The following NRG1 variants were observed in gnomAD, a reference collection of about 807,000 sequenced individuals.
NRG1 encodes the protein pro-neuregulin-1, membrane-bound isoform.
In NRG1, 18 loss-of-function variants were observed where a neutral mutation model predicts 63.8. The observed-to-expected ratio is 0.28, with a 90% CI of 0.19 to 0.42. NRG1 has a LOEUF of 0.42. Ranked by LOEUF, NRG1 falls within the 10% of genes least tolerant of loss-of-function variation. NRG1 has a pLI of 1.00. For missense variants in NRG1, 762 were observed against 814.7 expected, an observed-to-expected ratio of 0.94 and a Z score of 0.79; for synonymous variants, 302 against 301.3, an observed-to-expected ratio of 1.00 and a Z score of -0.02.
intron 1 of NRG1, among the ~76,000 whole-genome samples, chr8:31,680,117 C>T (rs987265361): frequency 3.3e-5 from 5 of 151,944 alleles, no homozygotes; most frequent in African/African-American, 1.2e-4. Flanking sequence ...ATATGATTCT[C>T]CTAAAATTGT....
At chr8:32,395,767 TG>T (rs1039104929) in intron 1 of NRG1, among the ~76,000 whole-genome samples, 2 of 152,178 alleles carry the variant, frequency 1.3e-5, no homozygotes, top group Admixed American at 6.5e-5. Flanking sequence ...GTTTTTTCTT[TG>T]GATTGTGCTT....
intron 1 of NRG1, among the ~76,000 whole-genome samples, chr8:31,650,766 A>G (rs928592010): frequency 7.3e-6 from 1 of 136,752 alleles, no homozygotes; most frequent in African/African-American, 2.9e-5. Context: ...GGCAGCCAAC[A>G]CTATTCTTGT....
At chr8:32,109,776 A>G (rs972335296) in intron 1 of NRG1, among the ~76,000 whole-genome samples, 1 of 152,158 alleles carries the variant, frequency 6.6e-6, no homozygotes, top group African/African-American at 2.4e-5. Flanking sequence ...ATTCATGGAT[A>G]TTAATAATAT....
intron 1 of NRG1, among the ~76,000 whole-genome samples, chr8:32,258,595 C>A (rs530481470): frequency 6.6e-6 from 1 of 152,152 alleles, no homozygotes; most frequent in Non-Finnish European, 1.5e-5. Flanking sequence ...AGGAAGCAGG[C>A]ATATCTTACA....
At chr8:32,396,298 G>T (rs73675131) in intron 1 of NRG1, among the ~76,000 whole-genome samples, 3 of 152,098 alleles carry the variant, frequency 2.0e-5, no homozygotes, top group Admixed American at 2.0e-4. Flanking sequence ...GGATTCTCAC[G>T]AATGTGAAGA....
chr8:31,820,271 T>C (rs892250678), intron 1 of NRG1, among the ~76,000 whole-genome samples: 1 of 152,188 alleles, frequency 6.6e-6, no homozygotes, highest in South Asian at 2.1e-4. Flanking sequence ...CCTGGAATTA[T>C]GAAACTTGGA....
chr8:32,304,206 A>G (rs995204627), intron 1 of NRG1, among the ~76,000 whole-genome samples: 14 of 152,260 alleles, frequency 9.2e-5, no homozygotes, highest in Non-Finnish European at 1.9e-4. Flanking sequence ...TTTTAAAATC[A>G]TCTAGAAATC....
intron 1 of NRG1, among the ~76,000 whole-genome samples, chr8:31,805,528 T>G (rs981949252): frequency 5.3e-5 from 8 of 152,140 alleles, no homozygotes; most frequent in African/African-American, 1.9e-4. Flanking sequence ...TTTGTTTTCT[T>G]TAAAATGAAG....
chr8:32,477,052 T>G (rs1824611855), intron 1 of NRG1, among the ~76,000 whole-genome samples: 1 of 152,148 alleles, frequency 6.6e-6, no homozygotes, highest in South Asian at 2.1e-4. Context: ...AGAGAGTTCA[T>G]AAAATGTGAA....
chr8:32,652,706 T>A (rs992314208), intron 5 of NRG1, among the ~76,000 whole-genome samples: 1 of 151,966 alleles, frequency 6.6e-6, no homozygotes, highest in Non-Finnish European at 1.5e-5. Flanking sequence ...AGTTTCTTAA[T>A]GACATAATTA....
At chr8:32,549,016 C>A (rs1237073229) in intron 1 of NRG1, among the ~76,000 whole-genome samples, 190 bp downstream of exon 1, 3 of 152,204 alleles carry the variant, frequency 2.0e-5, no homozygotes, top group Admixed American at 1.3e-4. Context: ...GCGCCGAGTC[C>A]TACCGGGCGC....
chr8:32,151,473 C>G (rs952579076), intron 1 of NRG1, among the ~76,000 whole-genome samples: 1 of 151,976 alleles, frequency 6.6e-6, no homozygotes, highest in Non-Finnish European at 1.5e-5. Flanking sequence ...GAAAGTGAGT[C>G]TGGGATTGAG....
intron 1 of NRG1, among the ~76,000 whole-genome samples, chr8:32,472,806 C>G (rs1824019410): frequency 6.6e-6 from 1 of 152,194 alleles, no homozygotes; most frequent in South Asian, 2.1e-4. Context: ...CCCCATAACA[C>G]TGTAAAGAAA....
intron 1 of NRG1, among the ~76,000 whole-genome samples, chr8:32,573,956 T>C (rs1458739909): frequency 6.6e-6 from 1 of 152,178 alleles, no homozygotes; most frequent in Non-Finnish European, 1.5e-5. Flanking sequence ...TCCAGCTTCA[T>C]CCATGTCCCT....
intron 1 of NRG1, among the ~76,000 whole-genome samples, chr8:31,695,878 A>G (rs1387110451): frequency 4.6e-5 from 7 of 152,204 alleles, no homozygotes; most frequent in Admixed American, 2.0e-4. Flanking sequence ...AAATATAAGA[A>G]GCTTAGAATT....
At chr8:31,896,891 C>T (rs1831622609) in intron 1 of NRG1, among the ~76,000 whole-genome samples, 1 of 152,164 alleles carries the variant, frequency 6.6e-6, no homozygotes, top group Non-Finnish European at 1.5e-5. Context: ...GCTTAACTGT[C>T]TTCCTTTTAC....
At chr8:31,667,906 A>G (rs1806718431) in intron 1 of NRG1, among the ~76,000 whole-genome samples, 1 of 152,238 alleles carries the variant, frequency 6.6e-6, no homozygotes, top group Non-Finnish European at 1.5e-5. Flanking sequence ...CGCTGGAGAC[A>G]GACTGAAAAA....
chr8:32,329,823 A>T (rs1802424011), intron 1 of NRG1, among the ~76,000 whole-genome samples: 2 of 152,136 alleles, frequency 1.3e-5, no homozygotes, highest in South Asian at 2.1e-4. Flanking sequence ...AAACTACGTG[A>T]TATAGAGCAA....
intron 1 of NRG1, among the ~76,000 whole-genome samples, chr8:31,892,213 A>G (rs1831203540): frequency 6.6e-6 from 1 of 152,156 alleles, no homozygotes; most frequent in South Asian, 2.1e-4. Context: ...TCATTTAAAA[A>G]TTTGATAGTG....
Sources: gnomAD v4.1 joint callset for allele counts (sites outside exome capture counted in the v4.1 genomes callset) on GRCh38, gnomAD v4.1.1 for gene constraint, MANE v1.5 for transcripts, NCBI Gene and HGNC (gene_info 2026-07-23, HGNC 2026-07-21) for gene names.